CDK14: variants seen among roughly 807,000 people sequenced by gnomAD.
CDK14 encodes cyclin-dependent kinase 14.
In CDK14, 34 loss-of-function variants were observed where a neutral mutation model predicts 60.7. The ratio of observed to expected loss-of-function variants is 0.56; its 90% CI spans 0.43 to 0.75. CDK14 has a LOEUF of 0.75. CDK14 is among the 30% of genes least tolerant of loss of function. The pLI, the probability that CDK14 is intolerant of heterozygous loss-of-function variation, is 0.00. For synonymous variants in CDK14, 197 were observed against 203.7 expected (o/e 0.97, Z 0.28); for missense variants, 482 against 564.1 (o/e 0.85, Z 1.47).
At position 91,048,891 on chromosome 7, in the gene CDK14, AT is replaced by A. The variant is rs1424032506; in HGVS notation, c.1105+2933del. On this transcript the variant is annotated intron_variant, in intron 11 of 14. Coordinates refer to ENST00000380050, the MANE Select transcript of CDK14 (RefSeq NM_001287135.2). ...CTAGAAGTTCTTTATATTTTATTTT[AT>A]TATTTTATTTTTAGCGATGCTGCCC... Among the ~76,000 whole-genome samples, 4 of 151,246 alleles carry A rather than the reference AT, an allele frequency of 2.6e-5. No homozygotes were observed. The East Asian group carries it at 7.8e-4, about 29-fold the overall frequency.
intron 12 of CDK14, among the ~76,000 whole-genome samples, chr7:91,081,633 A>G (rs569258760): frequency 6.6e-6 from 1 of 152,310 alleles, no homozygotes; most frequent in South Asian, 2.1e-4. Flanking sequence ...TGAGAAATGA[A>G]TCCTTAAGTT....
intron 4 of CDK14, among the ~76,000 whole-genome samples, chr7:90,758,236 GTC>G (rs887069825): frequency 1.3e-5 from 2 of 151,818 alleles, no homozygotes; most frequent in Non-Finnish European, 2.9e-5. Flanking sequence ...TTTCTTCTCT[GTC>G]TCTCTCTCTG....
chr7:91,072,530 CT>C (rs2116186612), intron 11 of CDK14, among the ~76,000 whole-genome samples: 1 of 152,176 alleles, frequency 6.6e-6, no homozygotes, highest in African/African-American at 2.4e-5. Context: ...GGTCAGCAGC[CT>C]CAAAGATTGA....
intron 6 of CDK14, among the ~76,000 whole-genome samples, chr7:90,867,418 A>G (rs928152322): frequency 1.3e-5 from 2 of 152,218 alleles, no homozygotes; most frequent in Non-Finnish European, 2.9e-5. Flanking sequence ...CCATGCTGAA[A>G]AATTTAAAAC....
chr7:91,116,905 G>A (rs1799625747), intron 13 of CDK14, among the ~76,000 whole-genome samples: 1 of 151,464 alleles, frequency 6.6e-6, no homozygotes, highest in Non-Finnish European at 1.5e-5. Flanking sequence ...GAGTGTCCTG[G>A]GGCTGAATCC....
At chr7:90,810,794 A>G (rs1489037482) in intron 5 of CDK14, among the ~76,000 whole-genome samples, 1 of 151,938 alleles carries the variant, frequency 6.6e-6, no homozygotes, top group Non-Finnish European at 1.5e-5. Context: ...CAATGTACAA[A>G]AATCACAAGC....
chr7:90,675,653 T>G (rs1276830774), intron 2 of CDK14, among the ~76,000 whole-genome samples: 3 of 152,344 alleles, frequency 2.0e-5, no homozygotes, highest in Non-Finnish European at 2.9e-5. Flanking sequence ...TAATTTGTTC[T>G]CTTTTCTGTA....
intron 14 of CDK14, among the ~76,000 whole-genome samples, chr7:91,176,617 T>C (rs1801767967): frequency 1.3e-5 from 2 of 152,030 alleles, no homozygotes; most frequent in Non-Finnish European, 1.5e-5. Flanking sequence ...TAAAAAATGA[T>C]AAAGGGCATA....
Position 90,804,688 on chromosome 7 carries a change from A to C in CDK14, c.544+14036A>C, listed in dbSNP as rs114295477. Among the ~76,000 whole-genome samples the C allele has an allele frequency of 1.0e-2, 1,519 of 152,250 alleles. 24 individuals carry two copies. The highest frequency in any genetic ancestry group is 0.034 in the African/African-American group (1,394 of 41,580). On this transcript the variant is annotated intron_variant, in intron 5 of 14. Transcript: ENST00000380050. Reference sequence around the variant, plus strand: ...AGTCATATGTTTTCTTTTTTATATTAATAATTTTAAAGGATAAAGTTTGTT... The same window carrying C: ...AGTCATATGTTTTCTTTTTTATATTCATAATTTTAAAGGATAAAGTTTGTT...
chr7:90,939,211 G>C (rs1793841669), intron 8 of CDK14, among the ~76,000 whole-genome samples: 1 of 152,198 alleles, frequency 6.6e-6, no homozygotes, highest in South Asian at 2.1e-4. Context: ...TATTGGAGAA[G>C]ATAAAGGTAT....
At chr7:90,638,108 T>C (rs148714625) in intron 2 of CDK14, among the ~76,000 whole-genome samples, 5,305 of 151,940 alleles carry the variant, frequency 0.035, 299 homozygotes, top group African/African-American at 0.12. Context: ...TGTCTTTTAA[T>C]TGGAGCATTT....
At chr7:90,822,851 A>G (rs1259021905) in intron 5 of CDK14, among the ~76,000 whole-genome samples, 1 of 152,210 alleles carries the variant, frequency 6.6e-6, no homozygotes, top group African/African-American at 2.4e-5. Context: ...AAAGGCTTCT[A>G]GAATGCTAGG....
intron 8 of CDK14, among the ~76,000 whole-genome samples, chr7:90,948,129 T>A (rs1194168715): frequency 6.6e-6 from 1 of 152,232 alleles, no homozygotes; most frequent in Non-Finnish European, 1.5e-5. Context: ...TAACTTTAAT[T>A]TTTGAAAATT....
chr7:90,806,887 G>A (rs1477013814), intron 5 of CDK14, among the ~76,000 whole-genome samples: 1 of 152,208 alleles, frequency 6.6e-6, no homozygotes, highest in East Asian at 1.9e-4. Flanking sequence ...AGCAGTCTGA[G>A]GTCAAACTGC....
chr7:91,068,893 C>T (rs1358236501), intron 11 of CDK14, among the ~76,000 whole-genome samples: 1 of 151,286 alleles, frequency 6.6e-6, no homozygotes, highest in African/African-American at 2.4e-5. Flanking sequence ...GTCTCAGCCT[C>T]CACCTCTCTC....
At chr7:91,062,092 G>A (rs1027893564) in intron 11 of CDK14, among the ~76,000 whole-genome samples, 3 of 152,124 alleles carry the variant, frequency 2.0e-5, no homozygotes, top group Non-Finnish European at 2.9e-5. Flanking sequence ...CTCAAGCCTC[G>A]GCAATGGTGG....
chr7:90,661,815 A>G (rs1360409979), intron 2 of CDK14, among the ~76,000 whole-genome samples: 2 of 152,126 alleles, frequency 1.3e-5, no homozygotes, highest in African/African-American at 4.8e-5. Context: ...CTTGTGTGCA[A>G]AAGTTGCTCT....
chr7:90,798,078 G>A (rs12666502), intron 5 of CDK14, among the ~76,000 whole-genome samples: 27,949 of 151,882 alleles, frequency 0.18, 2,790 homozygotes, highest in South Asian at 0.24. Flanking sequence ...ATGTTCTGGA[G>A]ATCAGGGAAT....
intron 2 of CDK14, among the ~76,000 whole-genome samples, chr7:90,716,609 G>C (rs983023479): frequency 6.6e-6 from 1 of 151,926 alleles, no homozygotes; most frequent in African/African-American, 2.4e-5. Flanking sequence ...CCAATTCCAT[G>C]GTTGTTTAAA....
Sources: allele counts gnomAD v4.1 joint callset (sites outside exome capture counted in the v4.1 genomes callset), GRCh38; gene constraint gnomAD v4.1.1; transcripts MANE v1.5; gene names NCBI Gene and HGNC (gene_info 2026-07-23, HGNC 2026-07-21).